The following CPXM2 variants were observed in gnomAD, a reference collection of about 807,000 sequenced individuals.
CPXM2 encodes inactive carboxypeptidase-like protein X2.
A neutral mutation model predicts 86.1 loss-of-function variants in CPXM2; 66 were observed. The ratio of observed to expected loss-of-function variants is 0.77; its 90% CI spans 0.63 to 0.94. The LOEUF is 0.94. CPXM2 is among the 40% of genes least tolerant of loss of function. CPXM2 has a pLI of 0.00. For synonymous variants in CPXM2, 388 were observed against 400.2 expected (o/e 0.97, Z 0.36); for missense variants, 948 against 1,026.3 (o/e 0.92, Z 1.04).
upstream of CPXM2, among the ~76,000 whole-genome samples, chr10:123,894,964 T>G (rs1190464141): frequency 6.6e-6 from 1 of 152,082 alleles, no homozygotes; most frequent in African/African-American, 2.4e-5. Context: ...TTAACAACCT[T>G]GCTCCCCGAC....
At chr10:123,928,176 C>A (rs1945639898) in intron 2 of CPXM2, among the ~76,000 whole-genome samples, 1 of 152,160 alleles carries the variant, frequency 6.6e-6, no homozygotes, top group African/African-American at 2.4e-5. Context: ...GAGTGCTGAA[C>A]AAGGGAGGCC....
At chr10:123,787,188 G>A (rs1000449175) in intron 6 of CPXM2, among the ~76,000 whole-genome samples, 10 of 152,128 alleles carry the variant, frequency 6.6e-5, no homozygotes, top group Admixed American at 5.9e-4. Context: ...AGCTATGCTG[G>A]GGACAAGATG....
upstream of CPXM2, among the ~76,000 whole-genome samples, chr10:123,892,589 T>A (rs748964711): frequency 1.3e-5 from 2 of 152,220 alleles, no homozygotes; most frequent in Non-Finnish European, 2.9e-5. Flanking sequence ...TTTCCCTTGC[T>A]GCTGTAACAA....
upstream of CPXM2, among the ~76,000 whole-genome samples, chr10:123,942,909 C>T (rs916374986): frequency 6.6e-5 from 10 of 152,176 alleles, no homozygotes; most frequent in Non-Finnish European, 1.0e-4. Flanking sequence ...CATATTTTTA[C>T]CTTACCCTTT....
intron 2 of CPXM2, among the ~76,000 whole-genome samples, chr10:123,923,747 G>T (rs1449624590): frequency 6.6e-6 from 1 of 152,162 alleles, no homozygotes; most frequent in Non-Finnish European, 1.5e-5. Flanking sequence ...TTGAATCATA[G>T]GGGTGGTTTC....
chr10:123,930,077 G>A (rs77670343), intron 2 of CPXM2, among the ~76,000 whole-genome samples: 2,007 of 152,212 alleles, frequency 0.013, 58 homozygotes, highest in African/African-American at 0.046. Flanking sequence ...TGTCTTCCAC[G>A]CAGCCACCAG....
At chr10:123,919,073 T>G (rs1456887332) in intron 2 of CPXM2, among the ~76,000 whole-genome samples, 1 of 150,090 alleles carries the variant, frequency 6.7e-6, no homozygotes, top group Non-Finnish European at 1.5e-5. Flanking sequence ...CTCTCTGAGC[T>G]GTGCACGTAT....
At chr10:123,937,915 T>G (rs1945737794) in intron 2 of CPXM2, among the ~76,000 whole-genome samples, 1 of 152,116 alleles carries the variant, frequency 6.6e-6, no homozygotes, top group Non-Finnish European at 1.5e-5. Context: ...GAAACCCCAG[T>G]GTCTATTTCT....
intron 2 of CPXM2, among the ~76,000 whole-genome samples, chr10:123,863,140 A>G (rs577123296): frequency 1.2e-3 from 181 of 152,358 alleles, no homozygotes; most frequent in Non-Finnish European, 2.2e-3. Context: ...ATTGTTTTCC[A>G]GTCTCTGCAA....
chr10:123,829,351 G>A (rs1385018467), intron 4 of CPXM2, among the ~76,000 whole-genome samples: 2 of 151,242 alleles, frequency 1.3e-5, no homozygotes, highest in Non-Finnish European at 2.9e-5. Context: ...ACAGACAAAT[G>A]TGTATAACCA....
intron 4 of CPXM2, among the ~76,000 whole-genome samples, chr10:123,834,203 G>A (rs1024341864): frequency 6.6e-6 from 1 of 152,174 alleles, no homozygotes; most frequent in Non-Finnish European, 1.5e-5. Flanking sequence ...CCCACAGGAC[G>A]TCCAGGAGCA....
chr10:123,756,729 AC>A (rs1429930756), intron 12 of CPXM2, among the ~76,000 whole-genome samples: 1 of 152,248 alleles, frequency 6.6e-6, no homozygotes, highest in African/African-American at 2.4e-5. Context: ...GGACTCATAC[AC>A]AGAGGTGCAT....
intron 4 of CPXM2, among the ~76,000 whole-genome samples, chr10:123,810,848 T>C (rs1847675333): frequency 6.6e-6 from 1 of 152,060 alleles, no homozygotes; most frequent in South Asian, 2.1e-4. Context: ...CAAGATACTT[T>C]ATGAGAAAAA....
intron 3 of CPXM2, among the ~76,000 whole-genome samples, chr10:123,856,861 G>C (rs1590071683): frequency 6.6e-6 from 1 of 152,170 alleles, no homozygotes; most frequent in East Asian, 1.9e-4. Context: ...CAAAGTGCTG[G>C]GGTTACAGGC....
chr10:123,823,488 A>G (rs1001350103), intron 4 of CPXM2, among the ~76,000 whole-genome samples: 3 of 152,248 alleles, frequency 2.0e-5, no homozygotes, highest in Non-Finnish European at 4.4e-5. Context: ...CCAGTAAAAG[A>G]AAAAAGGTTG....
chr10:123,847,449 C>T (rs1292730233), intron 3 of CPXM2, among the ~76,000 whole-genome samples: 2 of 151,990 alleles, frequency 1.3e-5, no homozygotes, highest in Non-Finnish European at 2.9e-5. Context: ...TTGCTTGAAC[C>T]TGAGAGGCGG....
At chr10:123,780,745 C>T (rs1279779051) in intron 6 of CPXM2, among the ~76,000 whole-genome samples, 1 of 152,074 alleles carries the variant, frequency 6.6e-6, no homozygotes, top group Non-Finnish European at 1.5e-5. Flanking sequence ...CCCTTCCTTC[C>T]TTCCTTCCTT....
chr10:123,923,862 C>T (rs567348479), intron 2 of CPXM2, among the ~76,000 whole-genome samples: 35 of 152,302 alleles, frequency 2.3e-4, no homozygotes, highest in Non-Finnish European at 4.7e-4. Flanking sequence ...CCATGTGAGA[C>T]ATGCCTTTCA....
At chr10:123,896,773 C>G (rs755615773), upstream of CPXM2, among the ~76,000 whole-genome samples, 1 of 152,176 alleles carries the variant, frequency 6.6e-6, no homozygotes, top group African/African-American at 2.4e-5. Flanking sequence ...CAGGATACAC[C>G]GGAGCCTGCT....
Sources: allele counts gnomAD v4.1 joint callset (sites outside exome capture counted in the v4.1 genomes callset), GRCh38; gene constraint gnomAD v4.1.1; transcripts MANE v1.5; gene names NCBI Gene and HGNC (gene_info 2026-07-23, HGNC 2026-07-21).